TRPC4AP: variants seen among roughly 807,000 people sequenced by gnomAD.
The protein encoded by TRPC4AP is short transient receptor potential channel 4-associated protein.
TRPC4AP carries 45 observed loss-of-function variants against 99.0 expected under a neutral mutation model. The ratio of observed to expected loss-of-function variants is 0.45; its 90% CI spans 0.36 to 0.58. The LOEUF (loss-of-function observed/expected upper bound fraction) is 0.58. TRPC4AP is among the 20% of genes least tolerant of loss of function. The pLI, the probability that TRPC4AP is intolerant of heterozygous loss-of-function variation, is 0.00. For synonymous variants in TRPC4AP, 408 were observed against 385.8 expected, an observed-to-expected ratio of 1.06 and a Z score of -0.67; for missense variants, 879 against 985.3, an observed-to-expected ratio of 0.89 and a Z score of 1.44.
chr20:35,056,797 T>A (rs2083838106), intron 4 of TRPC4AP, among the ~76,000 whole-genome samples: 1 of 151,398 alleles, frequency 6.6e-6, no homozygotes, highest in Non-Finnish European at 1.5e-5. Context: ...CTGGTCAACA[T>A]GGTGAAACCC....
At chr20:35,038,413 C>G (rs6087664) in intron 7 of TRPC4AP, among the ~76,000 whole-genome samples, 89,141 of 151,750 alleles carry the variant, frequency 0.59, 27,158 homozygotes, top group Middle Eastern at 0.74. Flanking sequence ...CAACACTTAC[C>G]AATTTCCATT....
intron 8 of TRPC4AP, 41 bp from the exon 9 acceptor site, chr20:35,021,397 G>A: frequency 1.2e-6 from 2 of 1,601,252 alleles, no homozygotes; most frequent in Non-Finnish European, 1.7e-6. Context: ...CACAGCTTGT[G>A]AGGAAACACG....
chr20:35,022,052 G>A (rs981790714), intron 8 of TRPC4AP, among the ~76,000 whole-genome samples: 1 of 152,184 alleles, frequency 6.6e-6, no homozygotes, highest in African/African-American at 2.4e-5. Flanking sequence ...TCCTCACTAG[G>A]CCTTAGACTG....
At chr20:35,018,902 T>C (rs557162392) in intron 9 of TRPC4AP, among the ~76,000 whole-genome samples, 6 of 151,258 alleles carry the variant, frequency 4.0e-5, no homozygotes, top group African/African-American at 1.5e-4. Context: ...GAAAAGGCGA[T>C]GGGGGACGAT....
Position 35,082,047 on chromosome 20 carries a change from T to C in TRPC4AP, c.169-3873A>G, listed in dbSNP as rs570594615. Among the ~76,000 whole-genome samples the C allele has an allele frequency of 1.3e-4, 20 of 152,260 alleles. No individual in the cohort carries two copies. The South Asian group carries it at 4.1e-3, about 32-fold the overall frequency. On this transcript the variant is annotated intron_variant, in intron 1 of 18. Transcript: ENST00000252015. ...GTACTACCAGAGATAGGCACTTTAA[T>C]AAGGATAAAAATGGCAAACTGGATA...
At chr20:35,029,315 T>C (rs995979239) in intron 8 of TRPC4AP, among the ~76,000 whole-genome samples, 4 of 152,204 alleles carry the variant, frequency 2.6e-5, no homozygotes, top group Admixed American at 2.6e-4. Flanking sequence ...TACATCTTTT[T>C]CTGTCCTTTA....
intron 9 of TRPC4AP, among the ~76,000 whole-genome samples, chr20:35,019,261 C>T (rs960160398): frequency 7.9e-5 from 12 of 152,276 alleles, no homozygotes; most frequent in East Asian, 1.9e-4. Flanking sequence ...AATGAGAACA[C>T]GCTAGTGAAA....
intron 1 of TRPC4AP, among the ~76,000 whole-genome samples, chr20:35,088,015 A>T (rs184195072): frequency 6.6e-6 from 1 of 152,240 alleles, no homozygotes; most frequent in Non-Finnish European, 1.5e-5. Flanking sequence ...CTAGAAGGCA[A>T]TTGGATATAC....
chr20:35,084,820 G>T (rs1172654404), intron 1 of TRPC4AP, among the ~76,000 whole-genome samples: 1 of 151,210 alleles, frequency 6.6e-6, no homozygotes, highest in South Asian at 2.1e-4. Context: ...AAAAATGGAA[G>T]AGGACTGTTT....
At chr20:35,010,114 G>A in intron 12 of TRPC4AP, 73 bp downstream of exon 12, 1 of 1,273,336 alleles carries the variant, frequency 7.9e-7, no homozygotes, top group South Asian at 1.2e-5. Context: ...ACCTGGATGT[G>A]CTCACCGGTG....
chr20:35,019,548 C>T (rs970978957), intron 9 of TRPC4AP, among the ~76,000 whole-genome samples: 5 of 152,122 alleles, frequency 3.3e-5, no homozygotes, highest in South Asian at 2.1e-4. Flanking sequence ...AGAGTCACCA[C>T]CTGTTGTGTA....
At chr20:35,085,609 TAA>T (rs71196788) in intron 1 of TRPC4AP, among the ~76,000 whole-genome samples, 6 of 137,576 alleles carry the variant, frequency 4.4e-5, no homozygotes, top group Admixed American at 2.2e-4. Flanking sequence ...AGACCCTGTC[TAA>T]AAAAAAAAAA....
At position 35,091,848 on chromosome 20, in the gene TRPC4AP, G is replaced by A. The variant is rs2085076125; in HGVS notation, c.168+766C>T. Among the ~76,000 whole-genome samples, 4 of 152,192 alleles carry A rather than the reference G, an allele frequency of 2.6e-5. No individual in the cohort carries two copies. In the South Asian group the frequency reaches 8.3e-4, roughly 32 times the overall value. Reference sequence around the variant, plus strand: ...TTTGATCTCCACAACAATCTTAAAAGGTAGGTTACTAATTCTCATCTTCAT... The same window carrying A: ...TTTGATCTCCACAACAATCTTAAAAAGTAGGTTACTAATTCTCATCTTCAT... On this transcript the variant is annotated intron_variant, in intron 1 of 18. Transcript: ENST00000252015.
Position 35,008,749 on chromosome 20 carries a change from T to A in TRPC4AP, c.1512-2A>T. On this transcript the variant is annotated splice_acceptor_variant, in intron 12 of 18. Coordinates refer to ENST00000252015, the MANE Select transcript of TRPC4AP (RefSeq NM_015638.3). LOFTEE classifies it high-confidence loss of function. ...CTCTTCCCATCACACACCAAACTCCTGAAATAGAAGAGAGATATTGGTGAC... is the reference window on the plus strand; with the variant it reads ...CTCTTCCCATCACACACCAAACTCCAGAAATAGAAGAGAGATATTGGTGAC... 1 of 1,613,110 alleles carries A rather than the reference T, an allele frequency of 6.2e-7. No individual in the cohort carries two copies. The highest frequency in any genetic ancestry group is 8.5e-7 in the Non-Finnish European group (1 of 1,179,498).
intron 8 of TRPC4AP, among the ~76,000 whole-genome samples, chr20:35,033,386 A>G (rs2083245807): frequency 2.6e-5 from 4 of 152,142 alleles, no homozygotes; most frequent in Admixed American, 2.6e-4. Flanking sequence ...GCATGTACAG[A>G]GTCTCCCTGG....
intron 8 of TRPC4AP, among the ~76,000 whole-genome samples, chr20:35,023,277 T>C (rs1423952894): frequency 1.3e-5 from 2 of 152,154 alleles, no homozygotes; most frequent in East Asian, 3.9e-4. Context: ...CATCCTCCTT[T>C]GTAAAACAGC....
chr20:35,078,386 T>A (rs1315457012), intron 1 of TRPC4AP, among the ~76,000 whole-genome samples: 1 of 152,184 alleles, frequency 6.6e-6, no homozygotes, highest in East Asian at 1.9e-4. Context: ...GGAAATACTC[T>A]TGTACCACTC....
At chr20:35,079,369 T>C (rs1226033843) in intron 1 of TRPC4AP, among the ~76,000 whole-genome samples, 1 of 152,100 alleles carries the variant, frequency 6.6e-6, no homozygotes, top group Admixed American at 6.6e-5. Context: ...TTATCAAAAT[T>C]TGTGGGATGC....
rs1302060780 is a variant in TRPC4AP at position 35,035,135 on chromosome 20, C to G, written c.1039G>C (p.Glu347Gln). The change falls in exon 8 of 19, where the codon GAG (glutamate) becomes CAG (glutamine). Residue 347 changes from glutamate (E) to glutamine (Q), a missense_variant. Around this residue, in one of 3 missense-constraint regions of TRPC4AP, gnomAD observed 603 missense variants for 631.8 expected, o/e 0.95. Coordinates refer to ENST00000252015, the MANE Select transcript of TRPC4AP (RefSeq NM_015638.3). ...CATCCTTCCATACCTTGATTGTGCT[C>G]TGACTCCTCATTGGCCACTCGCATC... ...ALMRVANEES[E>Q]HNQASIVFPP... 6.2e-7 allele frequency: 1 copy of G among 1,613,832 alleles called. No homozygotes were observed. The highest frequency in any genetic ancestry group is 1.1e-5 in the South Asian group (1 of 91,012).
Sources: allele counts gnomAD v4.1 joint callset (sites outside exome capture counted in the v4.1 genomes callset), GRCh38; gene constraint gnomAD v4.1.1; regional missense constraint gnomAD v4.1.1; transcripts MANE v1.5; gene names NCBI Gene and HGNC (gene_info 2026-07-23, HGNC 2026-07-21).